The following INPP5A variants were observed in gnomAD, a reference collection of about 807,000 sequenced individuals.
The protein encoded by INPP5A is 43 kDa inositol polyphosphate 5-phophatase.
A neutral mutation model predicts 65.2 loss-of-function variants in INPP5A; 14 were observed. The ratio of observed to expected loss-of-function variants is 0.21; its 90% CI spans 0.14 to 0.34. The LOEUF (loss-of-function observed/expected upper bound fraction) is 0.34. Among genes scored for constraint, INPP5A ranks in the 10% least tolerant of loss-of-function variants. The pLI is 1.00. For synonymous variants in INPP5A, 207 were observed against 208.3 expected (o/e 0.99, Z 0.05); for missense variants, 431 against 545.6 (o/e 0.79, Z 2.09).
At chr10:132,743,223 C>T (rs1293055673) in intron 9 of INPP5A, among the ~76,000 whole-genome samples, 3 of 141,808 alleles carry the variant, frequency 2.1e-5, no homozygotes, top group Non-Finnish European at 3.1e-5. Context: ...CAGCAGGGAC[C>T]GGGCCCGGGA....
chr10:132,705,675 C>T lies in INPP5A; in HGVS notation c.475-2638C>T, dbSNP rs1845527425. Among the ~76,000 whole-genome samples, 1 of 152,218 alleles carries T rather than the reference C, an allele frequency of 6.6e-6. No individual in the cohort carries two copies. The highest frequency in any genetic ancestry group is 2.4e-5 in the African/African-American group (1 of 41,448). Reference sequence around the variant, plus strand: ...CTTTAAAAGTCTGCTTACCTGGGGCCCGGGACTTTACAGGTGAGGGAAGAA... The same window carrying T: ...CTTTAAAAGTCTGCTTACCTGGGGCTCGGGACTTTACAGGTGAGGGAAGAA... On this transcript the variant is annotated intron_variant, in intron 6 of 15. Transcript: ENST00000368594. The surrounding 1 kb of genome is among the most constrained non-coding windows in gnomAD (Gnocchi z 4.9).
chr10:132,610,061 G>T (rs1439754582), intron 2 of INPP5A, among the ~76,000 whole-genome samples: 1 of 152,258 alleles, frequency 6.6e-6, no homozygotes, highest in African/African-American at 2.4e-5. Context: ...GGCTGGGCCT[G>T]ACCCGCAGTT....
chr10:132,624,522 G>A (rs1051705063), intron 2 of INPP5A, among the ~76,000 whole-genome samples: 1 of 151,820 alleles, frequency 6.6e-6, no homozygotes, highest in Non-Finnish European at 1.5e-5. Flanking sequence ...ACTTCCACCG[G>A]CGTGTCTGCA....
intron 1 of INPP5A, among the ~76,000 whole-genome samples, chr10:132,584,207 TG>T (rs1240811564): frequency 3.9e-5 from 6 of 152,348 alleles, no homozygotes; most frequent in Non-Finnish European, 7.3e-5. Context: ...GTTTTGGTGT[TG>T]GGGTTATGCT....
chr10:132,750,538 A>G (rs1846456842), intron 11 of INPP5A, among the ~76,000 whole-genome samples: 1 of 152,050 alleles, frequency 6.6e-6, no homozygotes, highest in African/African-American at 2.4e-5. Context: ...CGGCCTACAC[A>G]CTCTCTTTAC....
intron 6 of INPP5A, among the ~76,000 whole-genome samples, chr10:132,701,127 G>A (rs150640835): frequency 2.0e-4 from 30 of 152,278 alleles, no homozygotes; most frequent in African/African-American, 5.8e-4. Context: ...TCTTTTCTCC[G>A]TGGCGATTTA....
chr10:132,580,608 C>T (rs1404169573), intron 1 of INPP5A, among the ~76,000 whole-genome samples: 1 of 152,206 alleles, frequency 6.6e-6, no homozygotes, highest in Non-Finnish European at 1.5e-5. Flanking sequence ...CCCTAGAGAT[C>T]ATCAACTTCA....
intron 12 of INPP5A, among the ~76,000 whole-genome samples, chr10:132,770,174 C>A (rs1437380445): frequency 6.6e-6 from 1 of 152,184 alleles, no homozygotes; most frequent in East Asian, 1.9e-4. Flanking sequence ...GCGTCCCCCT[C>A]AGGATGCTAT....
At chr10:132,579,706 T>C (rs1426853902) in intron 1 of INPP5A, among the ~76,000 whole-genome samples, 2 of 152,152 alleles carry the variant, frequency 1.3e-5, no homozygotes, top group Non-Finnish European at 2.9e-5. Flanking sequence ...TGGGAGATGA[T>C]ACTCTGGTGC....
intron 9 of INPP5A, among the ~76,000 whole-genome samples, chr10:132,748,006 C>T (rs767579038): frequency 9.2e-5 from 14 of 152,124 alleles, no homozygotes; most frequent in Non-Finnish European, 1.9e-4. Flanking sequence ...GCCTTGATCA[C>T]GCCACTGCGC....
intron 2 of INPP5A, among the ~76,000 whole-genome samples, chr10:132,610,390 G>C (rs915727050): frequency 6.6e-6 from 1 of 152,242 alleles, no homozygotes; most frequent in African/African-American, 2.4e-5. Flanking sequence ...TTCGTGAACA[G>C]GAAGTAGGGG....
At position 132,736,359 on chromosome 10, in the gene INPP5A, C is replaced by T. The variant is rs574404842; in HGVS notation, c.732+9454C>T. Among the ~76,000 whole-genome samples the T allele has an allele frequency of 3.9e-4, 60 of 152,372 alleles. 1 individual carries two copies. The highest frequency in any genetic ancestry group is 6.8e-3 in the Middle Eastern group (2 of 294). On this transcript the variant is annotated intron_variant, in intron 9 of 15. Coordinates refer to ENST00000368594, the MANE Select transcript of INPP5A (RefSeq NM_005539.5). The stretch of plus-strand genomic sequence containing the variant: ...TGCCGTCCATCACGTCTGACAGTGA[C>T]GGTGATGGATGCGTCTTTGGAGGCT...
chr10:132,718,578 C>G (rs995176299), intron 8 of INPP5A, among the ~76,000 whole-genome samples: 1 of 148,336 alleles, frequency 6.7e-6, no homozygotes, highest in Non-Finnish European at 1.5e-5. Flanking sequence ...TTCTGTGGTA[C>G]CTGGGTTCTG....
At position 132,782,006 on chromosome 10, in the gene INPP5A, T is replaced by C; in HGVS notation, c.*8-31T>C. The C allele has an allele frequency of 1.2e-6, 2 of 1,611,708 alleles. No individual in the cohort carries two copies. Among genetic ancestry groups the C allele is most frequent in the Non-Finnish European group, 8.5e-7 (1 of 1,178,788 alleles). ...TACGCAGCTTTTCCTGGTGCGTTTGTTCCTTTAACAAATTACGAATTCCGT... is the reference window on the plus strand; with the variant it reads ...TACGCAGCTTTTCCTGGTGCGTTTGCTCCTTTAACAAATTACGAATTCCGT... On this transcript the variant is annotated intron_variant, in intron 15 of 15. Transcript: ENST00000368594. This position sits in a 1 kb window ranked among gnomAD's most constrained non-coding sequence, Gnocchi z 4.4.
At chr10:132,647,672 A>T (rs2072516559) in intron 3 of INPP5A, among the ~76,000 whole-genome samples, 1 of 152,062 alleles carries the variant, frequency 6.6e-6, no homozygotes. Context: ...AGCGGAGTCG[A>T]GGCCCCACCC....
intron 4 of INPP5A, among the ~76,000 whole-genome samples, chr10:132,654,870 G>A (rs1033102399): frequency 3.3e-5 from 5 of 152,258 alleles, no homozygotes; most frequent in South Asian, 4.1e-4. Context: ...GGCTTTGAGC[G>A]ACCTGCAGGT....
intron 11 of INPP5A, among the ~76,000 whole-genome samples, chr10:132,759,630 GCT>G (rs1056708794): frequency 3.3e-5 from 5 of 152,052 alleles, no homozygotes; most frequent in Non-Finnish European, 1.5e-5. Context: ...TAACATCGAA[GCT>G]CTCGGGAAGG....
rs1158550286 is a variant in INPP5A, at chr10:132,663,908, C to T, written c.306+13403C>T. ...CTGTGGCAAAGGCTGGGCCAAGGTGCCTCGTGGGCAGCCGATCCATCAGGC... is the reference window on the plus strand; with the variant it reads ...CTGTGGCAAAGGCTGGGCCAAGGTGTCTCGTGGGCAGCCGATCCATCAGGC... On this transcript the variant is annotated intron_variant, in intron 4 of 15. Coordinates refer to ENST00000368594, the MANE Select transcript of INPP5A (RefSeq NM_005539.5). The surrounding 1 kb of genome is among the most constrained non-coding windows in gnomAD (Gnocchi z 4.5). 6.6e-6 allele frequency among the ~76,000 whole-genome samples: 1 copy of T among 152,236 alleles called. No homozygotes were observed. Among genetic ancestry groups the T allele is most frequent in the Non-Finnish European group, 1.5e-5 (1 of 68,040 alleles).
Position 132,749,798 on chromosome 10 carries a change from T to C in INPP5A, c.856T>C (p.Phe286Leu), listed in dbSNP as rs1163815473. 1 of 1,613,210 alleles carries C rather than the reference T, an allele frequency of 6.2e-7. No individual in the cohort carries two copies. ...TATGCTCCAGTTAGAAAAGAAACTC[T>C]TCGACTACTTCAACCAGGAGGTTTT... is the stretch of plus-strand genomic sequence containing the variant. Reference protein sequence around the residue: ...KVMLQLEKKLFDYFNQEVFRD... With the variant: ...KVMLQLEKKLLDYFNQEVFRD... Residue 286 changes from phenylalanine (F) to leucine (L), a missense_variant, in exon 11 of 16, where the codon TTC (phenylalanine) becomes CTC (leucine). Coordinates refer to ENST00000368594, the MANE Select transcript of INPP5A (RefSeq NM_005539.5).
Sources: gnomAD v4.1 joint callset for allele counts (sites outside exome capture counted in the v4.1 genomes callset) on GRCh38, gnomAD v4.1.1 for gene constraint, Gnocchi (gnomAD v3.1) non-coding constraint, MANE v1.5 for transcripts, NCBI Gene and HGNC (gene_info 2026-07-23, HGNC 2026-07-21) for gene names.